Variants in GATA4 observed in about 807,000 individuals in gnomAD.
GATA4 encodes transcription factor GATA-4.
A neutral mutation model predicts 37.9 loss-of-function variants in GATA4; 7 were observed. That is an observed-to-expected ratio of 0.18 (90% CI 0.11 to 0.35). The LOEUF (loss-of-function observed/expected upper bound fraction) is 0.35, where lower values mean the gene tolerates loss of function less well. Ranked by LOEUF, GATA4 falls within the 10% of genes least tolerant of loss-of-function variation. The probability of loss-of-function intolerance (pLI) is 1.00; values close to 1 mark genes in which losing one functional copy is unlikely to be tolerated. For missense variants in GATA4, 647 were observed against 653.0 expected (o/e 0.99, Z 0.10); for synonymous variants, 372 against 292.6 (o/e 1.27, Z -2.77).
chr8:11,708,557 C>G lies in GATA4; in HGVS notation c.245C>G (p.Thr82Ser). Reference sequence around the variant, plus strand: ...GCCGCGTCTGGTGCGGGGCCCGGGACCCAGCAGGGCAGCCCGGGATGGAGC... The same window carrying G: ...GCCGCGTCTGGTGCGGGGCCCGGGAGCCAGCAGGGCAGCCCGGGATGGAGC... Reference protein sequence around the residue: ...GGAASGAGPGTQQGSPGWSQA... With the variant: ...GGAASGAGPGSQQGSPGWSQA... Residue 82 changes from threonine (T) to serine (S), a missense_variant, in exon 2 of 7, where the codon ACC becomes AGC. Transcript: ENST00000532059. The surrounding 1 kb of genome is among the most constrained non-coding windows in gnomAD (Gnocchi z 6.7). 1 of 1,392,112 alleles carries G rather than the reference C, an allele frequency of 7.2e-7. No individual in the cohort carries two copies. The highest frequency in any genetic ancestry group is 9.3e-7 in the Non-Finnish European group (1 of 1,080,096). The allele number at this position is 1,392,112 out of a possible 1,614,324, so 86.2% of individuals were successfully genotyped here.
intron 2 of GATA4, among the ~76,000 whole-genome samples, chr8:11,729,108 C>T (rs1801080290): frequency 6.6e-6 from 1 of 152,054 alleles, no homozygotes; most frequent in African/African-American, 2.4e-5. Flanking sequence ...TGACAGGTGC[C>T]TATAATCCCA....
upstream of GATA4, among the ~76,000 whole-genome samples, chr8:11,702,642 C>A (rs73203480): frequency 0.054 from 8,125 of 150,770 alleles, 323 homozygotes; most frequent in South Asian, 0.11. The surrounding 1 kb of genome is among the most constrained non-coding windows in gnomAD (Gnocchi z 4.4). Context: ...GTTTCGGGTC[C>A]GTGGCGCCAA....
intron 2 of GATA4, among the ~76,000 whole-genome samples, chr8:11,710,483 C>A (rs13282985): frequency 0.4 from 59,615 of 149,058 alleles, 15,734 homozygotes; most frequent in Non-Finnish European, 0.59. Context: ...AGATCGAGAC[C>A]ATCCTGGCCA....
upstream of GATA4, among the ~76,000 whole-genome samples, chr8:11,702,077 G>C (rs1297934691): frequency 2.0e-5 from 3 of 152,204 alleles, no homozygotes; most frequent in African/African-American, 7.2e-5. The surrounding 1 kb of genome is among the most constrained non-coding windows in gnomAD (Gnocchi z 4.4). Flanking sequence ...GTTTAGGGAG[G>C]ATGGGGAGGG....
intron 1 of GATA4, among the ~76,000 whole-genome samples, chr8:11,698,815 C>G (rs1799583397): frequency 6.6e-6 from 1 of 152,112 alleles, no homozygotes; most frequent in African/African-American, 2.4e-5. Flanking sequence ...CCCGGGGTGT[C>G]CTTAGGAGCA....
At chr8:11,704,190 G>C (rs962281621), upstream of GATA4, 2 of 152,262 alleles carry the variant, frequency 1.3e-5, no homozygotes, top group Admixed American at 6.5e-5. Context: ...CCGGGGACCC[G>C]AGCCGCGAGC....
At chr8:11,742,235 A>G (rs1329244696) in intron 2 of GATA4, among the ~76,000 whole-genome samples, 2 of 152,148 alleles carry the variant, frequency 1.3e-5, no homozygotes. Context: ...GTTGCCTGTT[A>G]CAGCCTTCAC....
intron 4 of GATA4, among the ~76,000 whole-genome samples, chr8:11,751,360 C>T (rs1160417076): frequency 6.6e-6 from 1 of 152,030 alleles, no homozygotes; most frequent in Non-Finnish European, 1.5e-5. Flanking sequence ...TGGTTGCTTC[C>T]ACATATACAG....
At chr8:11,685,473 C>T (rs1323909591) in intron 1 of GATA4, among the ~76,000 whole-genome samples, 1 of 152,212 alleles carries the variant, frequency 6.6e-6, no homozygotes, top group Non-Finnish European at 1.5e-5. Context: ...CAGCCTTCTT[C>T]AGGCTTCCTA....
upstream of GATA4, among the ~76,000 whole-genome samples, chr8:11,687,925 G>T (rs1391038089): frequency 6.6e-6 from 1 of 152,188 alleles, no homozygotes; most frequent in African/African-American, 2.4e-5. Context: ...GTCACTCCAT[G>T]AGTTCATGGA....
upstream of GATA4, among the ~76,000 whole-genome samples, chr8:11,691,172 T>G (rs1473340456): frequency 6.6e-6 from 1 of 152,252 alleles, no homozygotes; most frequent in African/African-American, 2.4e-5. Flanking sequence ...GTTTGCCTAG[T>G]AAATGGATCC....
chr8:11,743,322 C>G (rs1801852950), intron 2 of GATA4, among the ~76,000 whole-genome samples: 1 of 152,252 alleles, frequency 6.6e-6, no homozygotes, highest in African/African-American at 2.4e-5. Flanking sequence ...AGACGCATGG[C>G]AGATATTTGA....
At chr8:11,731,359 T>C (rs1801200114) in intron 2 of GATA4, among the ~76,000 whole-genome samples, 1 of 152,240 alleles carries the variant, frequency 6.6e-6, no homozygotes, top group Non-Finnish European at 1.5e-5. Flanking sequence ...GATGAATGAA[T>C]GAACAAATGT....
intron 2 of GATA4, among the ~76,000 whole-genome samples, chr8:11,715,719 C>T (rs1308470049): frequency 1.3e-5 from 2 of 151,700 alleles, no homozygotes; most frequent in South Asian, 2.1e-4. Flanking sequence ...CCAGCCTGGG[C>T]GACAGAGCAA....
At chr8:11,746,645 G>A (rs1802047570) in intron 2 of GATA4, among the ~76,000 whole-genome samples, 1 of 152,232 alleles carries the variant, frequency 6.6e-6, no homozygotes, top group African/African-American at 2.4e-5. Flanking sequence ...GGCAGGCCTG[G>A]ATGAAAGAAG....
chr8:11,718,252 A>T (rs927028154), intron 2 of GATA4, among the ~76,000 whole-genome samples: 1 of 152,244 alleles, frequency 6.6e-6, no homozygotes, highest in African/African-American at 2.4e-5. Flanking sequence ...TGTTTCTGGC[A>T]GGTGGCCTAT....
chr8:11,753,344 T>G (rs59431377), intron 4 of GATA4, among the ~76,000 whole-genome samples: 1 of 151,860 alleles, frequency 6.6e-6, no homozygotes, highest in South Asian at 2.1e-4. Flanking sequence ...TTAATGGGTA[T>G]GGAGTTTGAG....
chr8:11,750,023 G>A, intron 3 of GATA4, 88 bp from the exon 4 acceptor site: 2 of 1,598,072 alleles, frequency 1.3e-6, no homozygotes, highest in Admixed American at 1.7e-5. Flanking sequence ...CTCCCGTTAG[G>A]GAGGCCCAGC....
At chr8:11,732,438 G>T (rs1801255789) in intron 2 of GATA4, among the ~76,000 whole-genome samples, 1 of 152,174 alleles carries the variant, frequency 6.6e-6, no homozygotes, top group Non-Finnish European at 1.5e-5. Context: ...TATTTGATTT[G>T]TAAATGTTTG....
Sources: allele counts gnomAD v4.1 joint callset (sites outside exome capture counted in the v4.1 genomes callset), GRCh38; gene constraint gnomAD v4.1.1; non-coding constraint Gnocchi (gnomAD v3.1); transcripts MANE v1.5; gene names NCBI Gene and HGNC (gene_info 2026-07-23, HGNC 2026-07-21).